Variants in SLMAP observed in about 807,000 individuals in gnomAD.
SLMAP encodes the protein sarcolemmal membrane-associated protein.
A neutral mutation model predicts 128.8 loss-of-function variants in SLMAP; 44 were observed. The ratio of observed to expected loss-of-function variants is 0.34; its 90% CI spans 0.27 to 0.44. The LOEUF is 0.44. SLMAP is among the 20% of genes least tolerant of loss of function. The probability of loss-of-function intolerance (pLI) is 1.00; values close to 1 mark genes in which losing one functional copy is unlikely to be tolerated. For synonymous variants in SLMAP, 327 were observed against 348.8 expected (o/e 0.94, Z 0.70); for missense variants, 787 against 985.3 (o/e 0.80, Z 2.69).
At chr3:57,792,404 A>G (rs2085684687) in intron 2 of SLMAP, among the ~76,000 whole-genome samples, 1 of 151,662 alleles carries the variant, frequency 6.6e-6, no homozygotes, top group Non-Finnish European at 1.5e-5. Context: ...GTGCTGTCAC[A>G]TTTGCCTGAA....
chr3:57,759,068 G>T (rs2078116540), intron 2 of SLMAP, among the ~76,000 whole-genome samples: 1 of 152,200 alleles, frequency 6.6e-6, no homozygotes, highest in African/African-American at 2.4e-5. Context: ...GAATTATTTT[G>T]TAAATTATTT....
chr3:57,825,468 G>A (rs1259084580), intron 2 of SLMAP, among the ~76,000 whole-genome samples: 14 of 146,398 alleles, frequency 9.6e-5, no homozygotes. Context: ...TTCATCAAAT[G>A]CCTTTTCTGC....
intron 14 of SLMAP, among the ~76,000 whole-genome samples, chr3:57,886,058 A>T (rs548169430): frequency 6.6e-6 from 1 of 150,878 alleles, no homozygotes; most frequent in South Asian, 2.1e-4. Context: ...CTGGAATTAC[A>T]GGCATGAGCC....
At chr3:57,843,716 C>T (rs940479468) in intron 4 of SLMAP, among the ~76,000 whole-genome samples, 3 of 145,950 alleles carry the variant, frequency 2.1e-5, no homozygotes, top group Admixed American at 1.4e-4. Flanking sequence ...TTCTTTCTTT[C>T]TTTCTTTTTC....
intron 4 of SLMAP, 34 bp from the exon 5 acceptor site, chr3:57,847,163 A>G: frequency 2.7e-6 from 4 of 1,461,940 alleles, no homozygotes; most frequent in Non-Finnish European, 3.8e-6. Flanking sequence ...TATTGTCCGG[A>G]TATTAGATAA....
intron 6 of SLMAP, among the ~76,000 whole-genome samples, chr3:57,854,007 A>ATT: frequency 8.8e-6 from 1 of 114,024 alleles, no homozygotes; most frequent in African/African-American, 3.4e-5. Flanking sequence ...ATATTTACAT[A>ATT]TAATATATAT....
At chr3:57,925,121 A>G (rs2096981840) in intron 23 of SLMAP, among the ~76,000 whole-genome samples, 1 of 151,328 alleles carries the variant, frequency 6.6e-6, no homozygotes, top group African/African-American at 2.4e-5. Context: ...TGCTCAACTA[A>G]TTTTTGTATT....
In SLMAP at chr3:57,771,143, TCTCCCCTCCCCTCCC is replaced by T. The variant is rs1204086020; in HGVS notation, c.198+13318_198+13332del. On this transcript the variant is annotated intron_variant, in intron 2 of 24. Coordinates refer to ENST00000671191, the MANE Select transcript of SLMAP (RefSeq NM_001377540.1). ...ATGCTGCTCCTGCTCCTCCCTCTGC[TCTCCCCTCCCCTCCC>T]CTCCCCTCCCCTCCCCTCCCCTCTC... Among the ~76,000 whole-genome samples, 14 of 128,978 alleles carry T rather than the reference TCTCCCCTCCCCTCCC, an allele frequency of 1.1e-4. 1 individual carries two copies. The highest frequency in any genetic ancestry group is 2.0e-4 in the Non-Finnish European group (12 of 61,328). The allele number at this position is 128,978 out of a possible 152,430, so 84.6% of individuals were successfully genotyped here.
intron 2 of SLMAP, among the ~76,000 whole-genome samples, chr3:57,802,373 G>A (rs543729714): frequency 3.6e-4 from 55 of 152,096 alleles, no homozygotes; most frequent in Admixed American, 2.8e-3. Context: ...CGTCTCCTGG[G>A]TTCAAACGAT....
In SLMAP at chr3:57,833,018, G is replaced by C. The variant is rs149277634; in HGVS notation, c.346+1488G>C. ...CAAGTCATTCAGCAAACAGTAAACC[G>C]AGCTCATTAAATGGAACCCCAACTG... On this transcript the variant is annotated intron_variant, in intron 3 of 24. Coordinates refer to ENST00000671191, the MANE Select transcript of SLMAP (RefSeq NM_001377540.1). 1.5e-4 allele frequency among the ~76,000 whole-genome samples: 23 copies of C among 152,204 alleles called. No homozygotes were observed. In the East Asian group the frequency reaches 4.3e-3, roughly 28 times the overall value.
chr3:57,914,828 C>T (rs560938730), intron 21 of SLMAP, among the ~76,000 whole-genome samples: 1 of 151,590 alleles, frequency 6.6e-6, no homozygotes, highest in Admixed American at 6.6e-5. Context: ...GTGATCTGCC[C>T]ATCTTGGCCT....
intron 6 of SLMAP, among the ~76,000 whole-genome samples, chr3:57,851,156 C>T (rs2094484323): frequency 6.6e-6 from 1 of 152,088 alleles, no homozygotes; most frequent in South Asian, 2.1e-4. Context: ...TATACAGTAT[C>T]ACATATCAAG....
chr3:57,864,921 ACTGT>A, intron 12 of SLMAP, 64 bp downstream of exon 12: 2 of 1,159,632 alleles, frequency 1.7e-6, no homozygotes, highest in Non-Finnish European at 2.4e-6. Flanking sequence ...GACCTTGTTT[ACTGT>A]CTCACACTGC....
intron 3 of SLMAP, 26 bp from the exon 4 acceptor site, chr3:57,841,273 C>G: frequency 7.3e-7 from 1 of 1,361,004 alleles, no homozygotes; most frequent in East Asian, 2.3e-5. Context: ...ATTATTTCAT[C>G]CATATTATTT....
intron 21 of SLMAP, among the ~76,000 whole-genome samples, chr3:57,914,604 C>T (rs534190863): frequency 7.2e-4 from 108 of 149,584 alleles, no homozygotes; most frequent in African/African-American, 2.6e-3. Flanking sequence ...TTTTTTGAGA[C>T]GGAGTTTTGC....
chr3:57,811,503 A>G (rs1324615262), intron 2 of SLMAP, among the ~76,000 whole-genome samples: 1 of 152,188 alleles, frequency 6.6e-6, no homozygotes, highest in Non-Finnish European at 1.5e-5. Context: ...CTATTGATGG[A>G]CACTTGGGTT....
chr3:57,852,576 G>A (rs895370948), intron 6 of SLMAP, among the ~76,000 whole-genome samples: 4 of 152,112 alleles, frequency 2.6e-5, no homozygotes, highest in African/African-American at 9.7e-5. Flanking sequence ...ACAGTTCCTG[G>A]CACATAGAAT....
chr3:57,892,412 A>G (rs1353255727), intron 15 of SLMAP, among the ~76,000 whole-genome samples: 1 of 152,160 alleles, frequency 6.6e-6, no homozygotes, highest in Non-Finnish European at 1.5e-5. Flanking sequence ...ATGTCTATAT[A>G]TAGCTTTGGA....
chr3:57,845,834 A>G (rs1428949741), intron 4 of SLMAP, among the ~76,000 whole-genome samples: 1 of 151,142 alleles, frequency 6.6e-6, no homozygotes, highest in African/African-American at 2.4e-5. Flanking sequence ...TTGTATGATT[A>G]TCTCCCCCCC....
Sources: allele counts gnomAD v4.1 joint callset (sites outside exome capture counted in the v4.1 genomes callset), GRCh38; gene constraint gnomAD v4.1.1; transcripts MANE v1.5; gene names NCBI Gene and HGNC (gene_info 2026-07-23, HGNC 2026-07-21).